MTSS1: variants seen among roughly 807,000 people sequenced by gnomAD.
MTSS1 encodes the protein MTSS I-BAR domain containing 1, also known as protein MTSS 1.
Under a neutral mutation model 79.0 loss-of-function variants are expected in MTSS1, and 18 were observed. The observed-to-expected ratio is 0.23, with a 90% confidence interval of 0.16 to 0.34. The LOEUF (loss-of-function observed/expected upper bound fraction) is 0.34. MTSS1 is among the 10% of genes least tolerant of loss of function. The probability of loss-of-function intolerance (pLI) is 1.00; values close to 1 mark genes in which losing one functional copy is unlikely to be tolerated. For synonymous variants in MTSS1, 341 were observed against 368.6 expected, an observed-to-expected ratio of 0.93 and a Z score of 0.86; for missense variants, 815 against 986.2, an observed-to-expected ratio of 0.83 and a Z score of 2.33.
At chr8:124,661,913 A>C (rs563239089) in intron 3 of MTSS1, among the ~76,000 whole-genome samples, 9 of 152,278 alleles carry the variant, frequency 5.9e-5, no homozygotes, top group Non-Finnish European at 1.3e-4. Flanking sequence ...TGCTCCATTC[A>C]TCTTCACGTC....
chr8:124,652,897 T>C (rs1028369949), intron 3 of MTSS1, among the ~76,000 whole-genome samples: 2 of 152,232 alleles, frequency 1.3e-5, no homozygotes, highest in African/African-American at 4.8e-5. Flanking sequence ...TGAAGTTCTT[T>C]TTTCATTAAC....
intron 5 of MTSS1, among the ~76,000 whole-genome samples, chr8:124,588,636 A>G (rs755007675): frequency 6.6e-6 from 1 of 152,240 alleles, no homozygotes; most frequent in Non-Finnish European, 1.5e-5. Context: ...TATATCATTA[A>G]AAGTCTGGCT....
chr8:124,644,364 G>T (rs1417850856), intron 3 of MTSS1, among the ~76,000 whole-genome samples: 1 of 152,158 alleles, frequency 6.6e-6, no homozygotes, highest in Non-Finnish European at 1.5e-5. Context: ...AGCAGAACAT[G>T]GTAGAATGCT....
chr8:124,613,345 G>A (rs1836229412), intron 3 of MTSS1, among the ~76,000 whole-genome samples: 1 of 152,198 alleles, frequency 6.6e-6, no homozygotes, highest in African/African-American at 2.4e-5. Context: ...GTAGGATGCT[G>A]AGTGCCAGGC....
At chr8:124,625,092 G>T (rs1181770859) in intron 3 of MTSS1, among the ~76,000 whole-genome samples, 2 of 152,144 alleles carry the variant, frequency 1.3e-5, no homozygotes, top group African/African-American at 2.4e-5. Flanking sequence ...GCAGGATTCT[G>T]GGCTCGGGAG....
intron 3 of MTSS1, among the ~76,000 whole-genome samples, chr8:124,609,790 T>C (rs1835478079): frequency 6.6e-6 from 1 of 152,148 alleles, no homozygotes; most frequent in South Asian, 2.1e-4. Context: ...AAAGACTCAA[T>C]TGATGTTTGT....
At chr8:124,690,945 T>C (rs538479390) in intron 3 of MTSS1, among the ~76,000 whole-genome samples, 2 of 152,234 alleles carry the variant, frequency 1.3e-5, no homozygotes, top group South Asian at 2.1e-4. Context: ...GTTGTAAAAA[T>C]GCTAAAAATG....
intron 12 of MTSS1, 139 bp from the exon 13 acceptor site, chr8:124,556,043 A>T: frequency 6.5e-7 from 1 of 1,540,906 alleles, no homozygotes; most frequent in Non-Finnish European, 8.7e-7. Flanking sequence ...TGACCCTAGA[A>T]AGTTCTGCCT....
intron 3 of MTSS1, among the ~76,000 whole-genome samples, chr8:124,644,018 G>A (rs1818564084): frequency 6.6e-6 from 1 of 152,160 alleles, no homozygotes; most frequent in Non-Finnish European, 1.5e-5. Flanking sequence ...AAGCCAACTG[G>A]AAGCACGCCA....
At chr8:124,722,132 T>C (rs1456329504) in intron 1 of MTSS1, among the ~76,000 whole-genome samples, 2 of 152,070 alleles carry the variant, frequency 1.3e-5, no homozygotes, top group South Asian at 4.1e-4. Flanking sequence ...GATTTTTTTT[T>C]TTCACCCACT....
intron 3 of MTSS1, among the ~76,000 whole-genome samples, chr8:124,669,247 A>T (rs1043678214): frequency 9.9e-5 from 15 of 152,256 alleles, no homozygotes; most frequent in African/African-American, 2.7e-4. Flanking sequence ...TTTTCTAATT[A>T]AACAAACAAT....
At chr8:124,565,502 A>T (rs1826204100) in intron 9 of MTSS1, among the ~76,000 whole-genome samples, 160 bp downstream of exon 9, 1 of 152,234 alleles carries the variant, frequency 6.6e-6, no homozygotes, top group Non-Finnish European at 1.5e-5. Context: ...CCAGAGACTA[A>T]AGAGCAAGAC....
chr8:124,576,701 A>T (rs1829024588), intron 6 of MTSS1, among the ~76,000 whole-genome samples: 1 of 152,244 alleles, frequency 6.6e-6, no homozygotes, highest in Non-Finnish European at 1.5e-5. Flanking sequence ...AATTAGTCCT[A>T]CAAAAACCAT....
intron 6 of MTSS1, chr8:124,580,424 G>T: frequency 2.1e-6 from 2 of 967,064 alleles, no homozygotes; most frequent in Non-Finnish European, 3.1e-6. Context: ...AATTAGGTAG[G>T]CACAGTTGAT....
rs555029357 is a variant in MTSS1 at position 124,687,803 on chromosome 8, C to T, written c.208+11723G>A. On this transcript the variant is annotated intron_variant, in intron 3 of 13. Transcript: ENST00000518547. ...CTCTGGCCATCTTTGAGAAACTGTG[C>T]ACTGTCCTACTTCTGACAATCAGAT... is the stretch of plus-strand genomic sequence containing the variant. Among the ~76,000 whole-genome samples the T allele has an allele frequency of 2.6e-5, 4 of 152,346 alleles. No individual in the cohort carries two copies. In the South Asian group the frequency reaches 8.3e-4, roughly 32 times the overall value.
At position 124,556,527 on chromosome 8, in the gene MTSS1, A is replaced by G; in HGVS notation, c.1231-122T>C. 3.5e-6 allele frequency: 4 copies of G among 1,130,378 alleles called. No individual in the cohort carries two copies. In the South Asian group the frequency reaches 6.5e-5, roughly 18 times the overall value. The allele number at this position is 1,130,378 out of a possible 1,614,324, so 70.0% of individuals were successfully genotyped here. A position where few individuals can be genotyped will look rare whatever the true frequency, so the allele number is the denominator to read the frequency against. On this transcript the variant is annotated intron_variant, in intron 11 of 13. Transcript: ENST00000518547. ...CCCTTAAGGGGAACCTCCGGCTGGGACAAGCCACAGGCCCTCTGCATGCCC... is the reference window on the plus strand; with the variant it reads ...CCCTTAAGGGGAACCTCCGGCTGGGGCAAGCCACAGGCCCTCTGCATGCCC...
At chr8:124,681,191 G>C (rs1466889421) in intron 3 of MTSS1, among the ~76,000 whole-genome samples, 1 of 145,858 alleles carries the variant, frequency 6.9e-6, no homozygotes, top group Non-Finnish European at 1.5e-5. Flanking sequence ...ACAACACAGA[G>C]AAGCTGTGAC....
chr8:124,556,438 C>A, intron 11 of MTSS1, 33 bp from the exon 12 acceptor site: 1 of 1,575,324 alleles, frequency 6.3e-7, no homozygotes, highest in Non-Finnish European at 8.6e-7. Context: ...GGAGCCAGGG[C>A]CTCTGCCTCC....
intron 6 of MTSS1, chr8:124,580,338 A>G (rs556032437): frequency 1.8e-6 from 1 of 550,020 alleles, no homozygotes; most frequent in African/African-American, 1.9e-5. Context: ...TTGTGCTAAC[A>G]TCGTAAATGG....
Sources: allele counts gnomAD v4.1 joint callset (sites outside exome capture counted in the v4.1 genomes callset), GRCh38; gene constraint gnomAD v4.1.1; transcripts MANE v1.5; gene names NCBI Gene and HGNC (gene_info 2026-07-23, HGNC 2026-07-21).